Variants in SLC15A5 observed in about 807,000 individuals in gnomAD.
SLC15A5 encodes the protein Peptide/histidine transporter ENSP00000340402.
SLC15A5 carries 58 observed loss-of-function variants against 56.1 expected under a neutral mutation model. That is an observed-to-expected ratio of 1.03 (90% CI 0.84 to 1.29). SLC15A5 has a LOEUF of 1.29. Ranked by LOEUF, SLC15A5 falls within the 50% of genes most tolerant of loss-of-function variation. The pLI is 0.00. For missense variants in SLC15A5, 681 were observed against 672.1 expected (o/e 1.01, Z -0.15); for synonymous variants, 264 against 250.5 (o/e 1.05, Z -0.51).
At chr12:16,245,378 T>A (rs182612257) in intron 3 of SLC15A5, among the ~76,000 whole-genome samples, 42 of 152,248 alleles carry the variant, frequency 2.8e-4, no homozygotes, top group African/African-American at 9.9e-4. Flanking sequence ...AGAGTTCAGA[T>A]TAGATTAGTT....
At chr12:16,246,571 A>G (rs925841739) in intron 3 of SLC15A5, among the ~76,000 whole-genome samples, 2 of 152,144 alleles carry the variant, frequency 1.3e-5, no homozygotes, top group African/African-American at 4.8e-5. Flanking sequence ...TAGGGTTATT[A>G]TGAACACTGA....
intron 7 of SLC15A5, among the ~76,000 whole-genome samples, chr12:16,204,742 T>C (rs1863997853): frequency 6.6e-6 from 1 of 151,992 alleles, no homozygotes; most frequent in Non-Finnish European, 1.5e-5. Context: ...TTGTGAAATA[T>C]TTAAAGTTTA....
In SLC15A5 at chr12:16,261,375, A is replaced by G. The variant is rs1053804083; in HGVS notation, c.585-3505T>C. ...AATCTGGCTTCTTTCACTTAGCATA[A>G]TTATTTTGAGATTCATCCATGTTAG... On this transcript the variant is annotated intron_variant, in intron 2 of 8. Transcript: ENST00000344941. Among the ~76,000 whole-genome samples, 3 of 152,156 alleles carry G rather than the reference A, an allele frequency of 2.0e-5. No homozygotes were observed. In the East Asian group the frequency reaches 5.8e-4, roughly 29 times the overall value.
intron 7 of SLC15A5, among the ~76,000 whole-genome samples, chr12:16,201,040 T>C (rs907384280): frequency 6.6e-6 from 1 of 152,158 alleles, no homozygotes; most frequent in African/African-American, 2.4e-5. Flanking sequence ...GTTACGCGTA[T>C]GCTATTTTAC....
intron 5 of SLC15A5, among the ~76,000 whole-genome samples, chr12:16,226,324 A>G (rs952998083): frequency 6.6e-6 from 1 of 152,168 alleles, no homozygotes; most frequent in African/African-American, 2.4e-5. Context: ...CTTTTTATTC[A>G]AGGTTGGTTG....
chr12:16,239,891 A>G, intron 4 of SLC15A5, 24 bp from the exon 5 acceptor site: 1 of 1,528,722 alleles, frequency 6.5e-7, no homozygotes, highest in Non-Finnish European at 8.8e-7. Context: ...GGAAACATCC[A>G]TGCATTAAGA....
Position 16,275,128 on chromosome 12 carries a change from CG to C in SLC15A5, c.361+2196del, listed in dbSNP as rs1189941264. On this transcript the variant is annotated intron_variant, in intron 1 of 8. Transcript: ENST00000344941. ...TATATTATAAAGTGATGGATGCAAT[CG>C]TATAAGTATTATATGGGTGTGGTTG... is the stretch of plus-strand genomic sequence containing the variant. Among the ~76,000 whole-genome samples, 10 of 152,010 alleles carry C rather than the reference CG, an allele frequency of 6.6e-5. No homozygotes were observed. The East Asian group carries it at 1.6e-3, about 24-fold the overall frequency.
intron 3 of SLC15A5, among the ~76,000 whole-genome samples, chr12:16,247,747 T>C (rs951480288): frequency 9.2e-5 from 14 of 151,972 alleles, no homozygotes; most frequent in African/African-American, 3.4e-4. Flanking sequence ...GGAGATGAGG[T>C]CTAGGAGGTT....
intron 4 of SLC15A5, 71 bp downstream of exon 4, chr12:16,244,509 C>A (rs993481458): frequency 1.5e-6 from 2 of 1,378,954 alleles, no homozygotes; most frequent in Non-Finnish European, 2.0e-6. Context: ...GGAGAAAATT[C>A]ACCTTGACTT....
chr12:16,212,520 A>G (rs550499079), intron 7 of SLC15A5, among the ~76,000 whole-genome samples: 1 of 1,218 alleles, frequency 8.2e-4, no homozygotes, highest in East Asian at 0.5. Context: ...TCCTATTTCC[A>G]GAAAAACGTG....
chr12:16,262,909 C>T (rs1382717525), intron 2 of SLC15A5, among the ~76,000 whole-genome samples: 1 of 147,014 alleles, frequency 6.8e-6, no homozygotes, highest in Non-Finnish European at 1.5e-5. Context: ...TGTGAGGTCT[C>T]TCCAGCCATG....
intron 3 of SLC15A5, among the ~76,000 whole-genome samples, chr12:16,255,543 A>G (rs3847923): frequency 0.17 from 26,232 of 152,098 alleles, 2,514 homozygotes; most frequent in Middle Eastern, 0.21. Flanking sequence ...TTGGCAACAT[A>G]TAGAAAAATT....
intron 7 of SLC15A5, among the ~76,000 whole-genome samples, chr12:16,201,375 A>G (rs890888166): frequency 6.6e-5 from 10 of 152,176 alleles, no homozygotes; most frequent in Non-Finnish European, 1.5e-5. Flanking sequence ...ACAGCATGGC[A>G]TAAAAACAGA....
intron 7 of SLC15A5, among the ~76,000 whole-genome samples, chr12:16,214,116 G>A (rs760116861): frequency 5.3e-5 from 8 of 152,114 alleles, no homozygotes; most frequent in South Asian, 4.2e-4. Flanking sequence ...TGCCCTAATC[G>A]TTACATTTAA....
chr12:16,255,675 A>T (rs1048948458), intron 3 of SLC15A5, among the ~76,000 whole-genome samples: 1 of 152,122 alleles, frequency 6.6e-6, no homozygotes, highest in East Asian at 1.9e-4. Flanking sequence ...TCTACTTAAT[A>T]TGGCAAATGT....
At chr12:16,276,106 A>G (rs1259682691) in intron 1 of SLC15A5, among the ~76,000 whole-genome samples, 2 of 152,038 alleles carry the variant, frequency 1.3e-5, no homozygotes, top group Non-Finnish European at 2.9e-5. Context: ...ACCCAGAATA[A>G]TGTCTGGTAC....
At chr12:16,244,022 T>C (rs1864438058) in intron 4 of SLC15A5, among the ~76,000 whole-genome samples, 1 of 152,202 alleles carries the variant, frequency 6.6e-6, no homozygotes, top group Non-Finnish European at 1.5e-5. Context: ...AAATCACATA[T>C]ATCTATAAAA....
intron 7 of SLC15A5, among the ~76,000 whole-genome samples, chr12:16,204,766 A>T (rs1863998102): frequency 6.6e-6 from 1 of 152,152 alleles, no homozygotes; most frequent in African/African-American, 2.4e-5. Context: ...AACTTTTCAC[A>T]ACCTATATTA....
In SLC15A5 at chr12:16,239,802, C is replaced by T. The variant is rs774534264; in HGVS notation, c.1041G>A (p.Pro347=). ...SNLNLDGFLL[P]IAVMNAISSL... ...TGCTGATGGCATTCATTACTGCAAT[C>T]GGCAGAAGAAATCCATCCAAATTCA... The change falls in exon 5 of 9, where the codon CCG becomes CCA. Residue 347 remains proline (P), a synonymous_variant. Coordinates refer to ENST00000344941, the MANE Select transcript of SLC15A5 (RefSeq NM_001170798.1). 1.2e-5 allele frequency: 18 copies of T among 1,537,008 alleles called. No individual in the cohort carries two copies. The highest frequency in any genetic ancestry group is 4.8e-5 in the South Asian group (4 of 84,052).
Sources: gnomAD v4.1 joint callset for allele counts (sites outside exome capture counted in the v4.1 genomes callset) on GRCh38, gnomAD v4.1.1 for gene constraint, MANE v1.5 for transcripts, NCBI Gene and HGNC (gene_info 2026-07-23, HGNC 2026-07-21) for gene names.